Variants in EML6 observed in about 807,000 individuals in gnomAD.
EML6 encodes echinoderm microtubule-associated protein-like 6.
Under a neutral mutation model 240.1 loss-of-function variants are expected in EML6, and 154 were observed. That is an observed-to-expected ratio of 0.64 (90% CI 0.56 to 0.73). The LOEUF (loss-of-function observed/expected upper bound fraction) is 0.73. EML6 is among the 30% of genes least tolerant of loss of function. The pLI, the probability that EML6 is intolerant of heterozygous loss-of-function variation, is 0.00. For synonymous variants in EML6, 1,148 were observed against 899.0 expected, an observed-to-expected ratio of 1.28 and a Z score of -4.95; for missense variants, 2,964 against 2,474.6, an observed-to-expected ratio of 1.20 and a Z score of -4.20.
At chr2:54,743,581 A>T (rs1683760914) in intron 2 of EML6, among the ~76,000 whole-genome samples, 1 of 152,216 alleles carries the variant, frequency 6.6e-6, no homozygotes, top group South Asian at 2.1e-4. Flanking sequence ...TTTCTATTAC[A>T]TGGGAACTCA....
chr2:54,846,091 C>T (rs1558605325), intron 8 of EML6, among the ~76,000 whole-genome samples: 1 of 152,116 alleles, frequency 6.6e-6, no homozygotes, highest in Non-Finnish European at 1.5e-5. Flanking sequence ...GTTTGAGCTG[C>T]AATTGCCCCT....
intron 2 of EML6, among the ~76,000 whole-genome samples, chr2:54,801,044 G>T (rs1670111400): frequency 6.6e-6 from 1 of 152,120 alleles, no homozygotes; most frequent in Non-Finnish European, 1.5e-5. Context: ...ATTGAGGCCG[G>T]GTGCAGTGGC....
At chr2:54,916,434 G>C (rs1673912452) in intron 25 of EML6, among the ~76,000 whole-genome samples, 1 of 152,162 alleles carries the variant, frequency 6.6e-6, no homozygotes. Context: ...GCTGGCGTTG[G>C]GGAATCTGGA....
Position 54,892,564 on chromosome 2 carries a change from A to G in EML6, c.2650A>G (p.Thr884Ala). 6.4e-7 allele frequency: 1 copy of G among 1,551,440 alleles called. No homozygotes were observed. Among genetic ancestry groups the G allele is most frequent in the Non-Finnish European group, 8.7e-7 (1 of 1,146,648 alleles). ...AGATCTAGTGTTCTCAGGAGCAGCT[A>G]CTGGAGATATTTTTATTTGGAAAGA... ...MEDLVFSGAA[T>A]GDIFIWKDIL... is the part of the protein sequence containing the mutation. Residue 884 changes from threonine (T) to alanine (A), a missense_variant, in exon 19 of 42, where the codon ACT becomes GCT. Transcript: ENST00000356458.
intron 16 of EML6, among the ~76,000 whole-genome samples, chr2:54,874,922 C>G (rs1021333221): frequency 3.9e-5 from 6 of 152,174 alleles, no homozygotes; most frequent in African/African-American, 1.4e-4. Flanking sequence ...AGGCAGAACC[C>G]AGGTCCATTG....
chr2:54,740,710 C>CTT (rs35968988), intron 2 of EML6, among the ~76,000 whole-genome samples: 12 of 147,900 alleles, frequency 8.1e-5, no homozygotes, highest in Non-Finnish European at 9.0e-5. Context: ...GACTCTAGCT[C>CTT]TTTTTTTTTT....
chr2:54,729,933 C>G (rs770633281), intron 2 of EML6, among the ~76,000 whole-genome samples: 19 of 152,138 alleles, frequency 1.2e-4, no homozygotes, highest in Non-Finnish European at 2.4e-4. Flanking sequence ...CTTGGGGGTT[C>G]AGGACTAGCC....
chr2:54,965,745 C>G (rs896075438), intron 38 of EML6, among the ~76,000 whole-genome samples: 4 of 152,120 alleles, frequency 2.6e-5, no homozygotes, highest in African/African-American at 4.8e-5. Flanking sequence ...ATCAAGTGCA[C>G]GGTCTGCAAA....
chr2:54,922,896 G>A (rs1332145606), intron 26 of EML6, among the ~76,000 whole-genome samples: 2 of 151,582 alleles, frequency 1.3e-5, no homozygotes, highest in African/African-American at 2.4e-5. Flanking sequence ...ACTGGAGAGT[G>A]GGTGGAAATG....
At chr2:54,893,715 A>G (rs1672603334) in intron 19 of EML6, among the ~76,000 whole-genome samples, 3 of 152,142 alleles carry the variant, frequency 2.0e-5, no homozygotes, top group Non-Finnish European at 1.5e-5. Context: ...GAAGCCACCT[A>G]CTACTCCTAA....
Position 54,863,769 on chromosome 2 carries a change from T to C in EML6, c.1826-14T>C. 1 of 1,438,506 alleles carries C rather than the reference T, an allele frequency of 7.0e-7. No homozygotes were observed. The allele number at this position is 1,438,506 out of a possible 1,614,324, so 89.1% of individuals were successfully genotyped here. On this transcript the variant is annotated splice_polypyrimidine_tract_variant and intron_variant, in intron 12 of 41. Coordinates refer to ENST00000356458, the MANE Select transcript of EML6 (RefSeq NM_001039753.4). ...AGAATTTTTGCTTGTTTCTTGTGGG[T>C]TGTATCTCTGCAGAAGGTGGAGCTG... is the stretch of plus-strand genomic sequence containing the variant.
Position 54,899,662 on chromosome 2 carries a change from T to TG in EML6, c.3009dup (p.Leu1004ValfsTer16). On this transcript the variant is annotated frameshift_variant, in exon 22 of 42. Transcript: ENST00000356458. LOFTEE classifies it high-confidence loss of function. ...ACAGGGGCACATGGAAGGAGAAGTGTGGGGGTTGGCAGCTCACCCTCTCCT... is the reference window on the plus strand; with the variant it reads ...ACAGGGGCACATGGAAGGAGAAGTGTGGGGGGTTGGCAGCTCACCCTCTCCT... 1 of 1,553,678 alleles carries TG rather than the reference T, an allele frequency of 6.4e-7. No individual in the cohort carries two copies. The highest frequency in any genetic ancestry group is 8.7e-7 in the Non-Finnish European group (1 of 1,148,116).
intron 10 of EML6, among the ~76,000 whole-genome samples, chr2:54,853,256 C>T (rs1480756716): frequency 1.3e-5 from 2 of 152,048 alleles, no homozygotes; most frequent in African/African-American, 4.8e-5. Context: ...AAGCATAATA[C>T]CATCTGTATC....
intron 28 of EML6, among the ~76,000 whole-genome samples, chr2:54,943,992 C>T (rs573009782): frequency 6.6e-6 from 1 of 152,188 alleles, no homozygotes; most frequent in African/African-American, 2.4e-5. Flanking sequence ...TCTCTCTTGG[C>T]CCTTCTGGTG....
chr2:54,940,317 T>C (rs1675363961), intron 28 of EML6, among the ~76,000 whole-genome samples: 1 of 152,230 alleles, frequency 6.6e-6, no homozygotes, highest in Non-Finnish European at 1.5e-5. Flanking sequence ...TAAAGAAAAC[T>C]ATATACTGTG....
At chr2:54,882,209 A>T (rs527372823) in intron 17 of EML6, 1 of 151,950 alleles carries the variant, frequency 6.6e-6, no homozygotes. Flanking sequence ...ATTTCCCCGC[A>T]TGCAATCTTT....
intron 5 of EML6, among the ~76,000 whole-genome samples, chr2:54,822,612 C>A (rs79419424): frequency 6.6e-6 from 1 of 152,032 alleles, no homozygotes; most frequent in Non-Finnish European, 1.5e-5. Flanking sequence ...TATTCAAAAT[C>A]TATTATATGG....
chr2:54,725,471 T>A lies in EML6; in HGVS notation c.197+213T>A, dbSNP rs1409556967. ...GAGGGAGAGATGTCTTTTCGCTGTA[T>A]CCCTCCGGAATTCTGGCTTTTAAAT... On this transcript the variant is annotated intron_variant, in intron 2 of 41. Coordinates refer to ENST00000356458, the MANE Select transcript of EML6 (RefSeq NM_001039753.4). The surrounding 1 kb of genome is among the most constrained non-coding windows in gnomAD (Gnocchi z 4.3). Among the ~76,000 whole-genome samples the A allele has an allele frequency of 6.6e-6, 1 of 152,194 alleles. No homozygotes were observed. The highest frequency in any genetic ancestry group is 2.4e-5 in the African/African-American group (1 of 41,438).
intron 39 of EML6, 64 bp downstream of exon 39, chr2:54,967,167 C>A: frequency 1.8e-6 from 2 of 1,084,264 alleles, no homozygotes; most frequent in South Asian, 1.4e-5. Flanking sequence ...CTCACTCAGG[C>A]TCAGCCTCCA....
Sources: gnomAD v4.1 joint callset for allele counts (sites outside exome capture counted in the v4.1 genomes callset) on GRCh38, gnomAD v4.1.1 for gene constraint, Gnocchi (gnomAD v3.1) non-coding constraint, MANE v1.5 for transcripts, NCBI Gene and HGNC (gene_info 2026-07-23, HGNC 2026-07-21) for gene names.